Variants in GNB5 observed in about 807,000 individuals in gnomAD.
The protein encoded by GNB5 is G protein subunit beta 5, also known as guanine nucleotide-binding protein subunit beta-5.
A neutral mutation model predicts 55.3 loss-of-function variants in GNB5; 37 were observed. That is an observed-to-expected ratio of 0.67 (90% CI 0.51 to 0.88). The LOEUF is 0.88. Among genes scored for constraint, GNB5 ranks in the 40% least tolerant of loss-of-function variants. GNB5 has a pLI of 0.00. For missense variants in GNB5, 476 were observed against 515.3 expected, an observed-to-expected ratio of 0.92 and a Z score of 0.74; for synonymous variants, 219 against 198.5, an observed-to-expected ratio of 1.10 and a Z score of -0.87.
chr15:52,141,839 C>A (rs1480958296), intron 6 of GNB5, among the ~76,000 whole-genome samples: 2 of 152,228 alleles, frequency 1.3e-5, no homozygotes, highest in Non-Finnish European at 2.9e-5. Context: ...AACAAAACCT[C>A]CATAACACCA....
rs2033148425 is a variant in GNB5 at position 52,116,804 on chromosome 15, C to A, written c.*5953G>T. ...GCAAAGACATCTGCCTAGCAACTGCCTGTCCAACCTCGGACTGGTGTGACC... is the reference window on the plus strand; with the variant it reads ...GCAAAGACATCTGCCTAGCAACTGCATGTCCAACCTCGGACTGGTGTGACC... On this transcript the variant is annotated 3_prime_UTR_variant, in exon 13 of 13. Coordinates refer to ENST00000261837, the MANE Select transcript of GNB5 (RefSeq NM_016194.4). 1 of 152,170 alleles carries A rather than the reference C, an allele frequency of 6.6e-6. No individual in the cohort carries two copies. The highest frequency in any genetic ancestry group is 2.1e-4 in the South Asian group (1 of 4,822). 9.4% of individuals were successfully genotyped at this position (152,170 alleles called of 1,614,324 possible).
intron 3 of GNB5, among the ~76,000 whole-genome samples, chr15:52,166,279 T>C (rs565458152): frequency 7.2e-5 from 11 of 152,204 alleles, no homozygotes; most frequent in Non-Finnish European, 1.5e-4. Flanking sequence ...ATTAGACAGA[T>C]CATTGAGAGA....
intron 3 of GNB5, among the ~76,000 whole-genome samples, chr15:52,167,544 G>A (rs1315421746): frequency 1.3e-5 from 2 of 151,934 alleles, no homozygotes; most frequent in African/African-American, 4.8e-5. Flanking sequence ...GGTGGCAGGC[G>A]CCTGTAATCT....
intron 7 of GNB5, chr15:52,137,841 C>A (rs2033760188): frequency 1.6e-6 from 2 of 1,285,062 alleles, no homozygotes; most frequent in Admixed American, 2.3e-5. Flanking sequence ...TCCCTGCCTT[C>A]TGGCTGCTCC....
In GNB5 at chr15:52,118,329, G is replaced by A. The variant is rs2033184366; in HGVS notation, c.*4428C>T. ...TGAGACCCTTTCAGGGGGTCCTCACGGTCAAAACTATTTTCATAATAATAT... is the reference window on the plus strand; with the variant it reads ...TGAGACCCTTTCAGGGGGTCCTCACAGTCAAAACTATTTTCATAATAATAT... On this transcript the variant is annotated 3_prime_UTR_variant, in exon 13 of 13. Transcript: ENST00000261837. The A allele has an allele frequency of 6.6e-6, 1 of 151,734 alleles. No individual in the cohort carries two copies. The highest frequency in any genetic ancestry group is 1.5e-5 in the Non-Finnish European group (1 of 67,970). The allele number at this position is 151,734 out of a possible 1,614,324, so 9.4% of individuals were successfully genotyped here.
intron 9 of GNB5, among the ~76,000 whole-genome samples, chr15:52,131,915 C>CTTGA (rs1256863446): frequency 3.3e-5 from 5 of 152,182 alleles, no homozygotes; most frequent in Non-Finnish European, 7.3e-5. Flanking sequence ...CTGCCACTTA[C>CTTGA]TTGACATCTT....
In GNB5 at chr15:52,117,102, A is replaced by ATTTTTTTTTTT. The variant is rs977627428; in HGVS notation, c.*5654_*5655insAAAAAAAAAAA. 1.1e-5 allele frequency: 1 copy of ATTTTTTTTTTT among 87,102 alleles called. No individual in the cohort carries two copies. The highest frequency in any genetic ancestry group is 6.1e-5 in the African/African-American group (1 of 16,420). The allele number at this position is 87,102 out of a possible 1,614,324, so 5.4% of individuals were successfully genotyped here. ...CCACGCCCAGCTAATATATATATAT[A>ATTTTTTTTTTT]TTTTTTTTTAGTACAGACAGGGTTT... On this transcript the variant is annotated 3_prime_UTR_variant, in exon 13 of 13. Transcript: ENST00000261837.
intron 8 of GNB5, among the ~76,000 whole-genome samples, chr15:52,134,116 A>C (rs1328832416): frequency 6.6e-6 from 1 of 152,180 alleles, no homozygotes; most frequent in African/African-American, 2.4e-5. Flanking sequence ...AACACCTATA[A>C]AGTCAATGCT....
chr15:52,139,733 C>G, intron 7 of GNB5: 3 of 1,105,980 alleles, frequency 2.7e-6, no homozygotes, highest in Non-Finnish European at 3.5e-6. Context: ...TCCCAGGCCG[C>G]GTCCCCGCCG....
chr15:52,149,776 G>T (rs1215776864), intron 5 of GNB5, 108 bp downstream of exon 5: 2 of 811,180 alleles, frequency 2.5e-6, no homozygotes, highest in East Asian at 2.5e-5. Flanking sequence ...ACTGCTTGCA[G>T]GGATACATGG....
intron 3 of GNB5, among the ~76,000 whole-genome samples, chr15:52,162,558 A>G (rs2034357642): frequency 6.6e-6 from 1 of 152,222 alleles, no homozygotes; most frequent in African/African-American, 2.4e-5. Context: ...TAAATAGCAA[A>G]ACAAAACTAT....
chr15:52,168,129 TAGTACTGGA>T (rs1435467524), intron 3 of GNB5, among the ~76,000 whole-genome samples: 1 of 152,192 alleles, frequency 6.6e-6, no homozygotes, highest in Non-Finnish European at 1.5e-5. Flanking sequence ...CTATTCAATA[TAGTACTGGA>T]AGTTCTGGCC....
chr15:52,118,328 C>A lies in GNB5; in HGVS notation c.*4429G>T, dbSNP rs28624115. 0.51 allele frequency: 78,036 copies of A among 151,830 alleles called. 23,740 individuals are homozygous for A. The highest frequency in any genetic ancestry group is 0.86 in the East Asian group (4,427 of 5,162). The allele number at this position is 151,830 out of a possible 1,614,324, so 9.4% of individuals were successfully genotyped here. On this transcript the variant is annotated 3_prime_UTR_variant, in exon 13 of 13. Transcript: ENST00000261837. Reference sequence around the variant, plus strand: ...CTGAGACCCTTTCAGGGGGTCCTCACGGTCAAAACTATTTTCATAATAATA... The same window carrying A: ...CTGAGACCCTTTCAGGGGGTCCTCAAGGTCAAAACTATTTTCATAATAATA...
chr15:52,188,881 T>C (rs1302341864), intron 1 of GNB5, among the ~76,000 whole-genome samples: 1 of 152,232 alleles, frequency 6.6e-6, no homozygotes. Flanking sequence ...CCTTAGTTTG[T>C]TGTTTATTCT....
At chr15:52,175,762 A>AAACG (rs55668269) in intron 3 of GNB5, among the ~76,000 whole-genome samples, 1 of 148,948 alleles carries the variant, frequency 6.7e-6, no homozygotes, top group East Asian at 2.0e-4. Context: ...ACAAACAAAC[A>AAACG]AAAAACGGCC....
intron 4 of GNB5, among the ~76,000 whole-genome samples, chr15:52,151,841 C>T (rs2034102668): frequency 6.6e-6 from 1 of 152,058 alleles, no homozygotes; most frequent in South Asian, 2.1e-4. Context: ...CAAGGTGGCT[C>T]ACATCTATAA....
At chr15:52,167,866 A>G (rs2034480874) in intron 3 of GNB5, among the ~76,000 whole-genome samples, 1 of 152,150 alleles carries the variant, frequency 6.6e-6, no homozygotes, top group African/African-American at 2.4e-5. Flanking sequence ...ATCAGTAAAT[A>G]TAATTCATCA....
At chr15:52,167,535 G>A (rs1487155471) in intron 3 of GNB5, among the ~76,000 whole-genome samples, 1 of 152,100 alleles carries the variant, frequency 6.6e-6, no homozygotes, top group African/African-American at 2.4e-5. Context: ...GCCGGGCGTG[G>A]TGGCAGGCGC....
intron 8 of GNB5, among the ~76,000 whole-genome samples, chr15:52,134,262 C>T (rs1164795493): frequency 6.6e-6 from 1 of 152,160 alleles, no homozygotes; most frequent in Non-Finnish European, 1.5e-5. Flanking sequence ...AGAATGTGGA[C>T]TCTCAATAGT....
Sources: gnomAD v4.1 joint callset for allele counts (sites outside exome capture counted in the v4.1 genomes callset) on GRCh38, gnomAD v4.1.1 for gene constraint, MANE v1.5 for transcripts, NCBI Gene and HGNC (gene_info 2026-07-23, HGNC 2026-07-21) for gene names.